The following CCSER1 variants were observed in gnomAD, a reference collection of about 807,000 sequenced individuals.
CCSER1 encodes the protein coiled-coil serine rich protein 1.
In CCSER1, 41 loss-of-function variants were observed where a neutral mutation model predicts 82.0. That is an observed-to-expected ratio of 0.50 (90% CI 0.39 to 0.65). CCSER1 has a LOEUF of 0.65. Among genes scored for constraint, CCSER1 ranks in the 30% least tolerant of loss-of-function variants. The pLI is 0.00. For synonymous variants in CCSER1, 414 were observed against 383.9 expected, an observed-to-expected ratio of 1.08 and a Z score of -0.92; for missense variants, 1,119 against 1,064.2, an observed-to-expected ratio of 1.05 and a Z score of -0.72.
rs556509148 is a variant in CCSER1, at chr4:90,382,881, GC to G, written c.1510-17154del. Reference sequence around the variant, plus strand: ...GAGTGTTCTTATTCAACTATTTATTGCTGAGTATTAAATTGCACACTTCAAC... The same window carrying G: ...GAGTGTTCTTATTCAACTATTTATTGTGAGTATTAAATTGCACACTTCAAC... On this transcript the variant is annotated intron_variant, in intron 3 of 10. Transcript: ENST00000509176. Among the ~76,000 whole-genome samples, 735 of 131,794 alleles carry G rather than the reference GC, an allele frequency of 5.6e-3. 7 individuals are homozygous for G. Among genetic ancestry groups the G allele is most frequent in the African/African-American group, 0.018 (600 of 33,940 alleles). The allele number at this position is 131,794 out of a possible 152,430, so 86.5% of individuals were successfully genotyped here.
At chr4:90,803,490 C>T (rs1757095013) in intron 7 of CCSER1, among the ~76,000 whole-genome samples, 1 of 152,118 alleles carries the variant, frequency 6.6e-6, no homozygotes, top group Non-Finnish European at 1.5e-5. Context: ...TGATAGTTTG[C>T]TGAGAATGAT....
chr4:91,024,372 A>G (rs1036022898), intron 9 of CCSER1, among the ~76,000 whole-genome samples: 2 of 152,132 alleles, frequency 1.3e-5, no homozygotes, highest in Non-Finnish European at 2.9e-5. Flanking sequence ...TTTAAATTTT[A>G]TTTCTAGAAT....
Position 90,596,423 on chromosome 4 carries a change from ACATGT to A in CCSER1, c.1725-31601_1725-31597del, listed in dbSNP as rs770715899. ...TAAATATACTGATTTAAAGTATAGG[ACATGT>A]ACTAACAATGATATAATTTTTTAAA... On this transcript the variant is annotated intron_variant, in intron 5 of 10. Coordinates refer to ENST00000509176, the MANE Select transcript of CCSER1 (RefSeq NM_001145065.2). Among the ~76,000 whole-genome samples, 358 of 152,042 alleles carry A rather than the reference ACATGT, an allele frequency of 2.4e-3. 3 individuals are homozygous for A. The highest frequency in any genetic ancestry group is 4.0e-3 in the Non-Finnish European group (272 of 67,840).
At chr4:90,718,155 T>A (rs747558411) in intron 6 of CCSER1, among the ~76,000 whole-genome samples, 4 of 152,154 alleles carry the variant, frequency 2.6e-5, no homozygotes, top group Admixed American at 6.6e-5. Context: ...TTCTGTGTAA[T>A]TTTACAACTA....
intron 10 of CCSER1, among the ~76,000 whole-genome samples, chr4:91,487,197 A>G (rs1188417987): frequency 1.3e-5 from 2 of 152,152 alleles, no homozygotes; most frequent in African/African-American, 4.8e-5. Flanking sequence ...AGGTAGCATT[A>G]TGGTTTCAAT....
intron 1 of CCSER1, among the ~76,000 whole-genome samples, chr4:90,209,258 G>A (rs1739493139): frequency 6.6e-6 from 1 of 152,178 alleles, no homozygotes; most frequent in African/African-American, 2.4e-5. Flanking sequence ...CTGGTCATGA[G>A]AGCCCAAGTG....
At chr4:91,323,158 G>C (rs552613352) in intron 10 of CCSER1, among the ~76,000 whole-genome samples, 1 of 152,264 alleles carries the variant, frequency 6.6e-6, no homozygotes, top group Admixed American at 6.5e-5. Context: ...ACCCAACCAG[G>C]CTGGAAGGGC....
At chr4:90,786,150 G>T (rs541525478) in intron 7 of CCSER1, among the ~76,000 whole-genome samples, 210 of 152,284 alleles carry the variant, frequency 1.4e-3, no homozygotes, top group African/African-American at 4.8e-3. Flanking sequence ...AAGCTGGGCA[G>T]ATAGAAAGAC....
At chr4:90,817,976 T>A (rs1419991877) in intron 8 of CCSER1, among the ~76,000 whole-genome samples, 1 of 152,166 alleles carries the variant, frequency 6.6e-6, no homozygotes, top group Non-Finnish European at 1.5e-5. Flanking sequence ...CCCTACTATA[T>A]ACTACAGGTT....
intron 9 of CCSER1, among the ~76,000 whole-genome samples, chr4:91,080,935 A>C (rs1191411135): frequency 6.6e-6 from 1 of 152,230 alleles, no homozygotes; most frequent in Non-Finnish European, 1.5e-5. Context: ...AACCAAAAAA[A>C]GTCCAGGACC....
intron 9 of CCSER1, among the ~76,000 whole-genome samples, chr4:90,956,284 A>G (rs915776421): frequency 6.6e-6 from 1 of 152,196 alleles, no homozygotes. Context: ...CTTAAGAAAG[A>G]CCTACTAACT....
At position 91,361,343 on chromosome 4, in the gene CCSER1, T is replaced by C. The variant is rs183186581; in HGVS notation, c.2218-237229T>C. On this transcript the variant is annotated intron_variant, in intron 10 of 10. Coordinates refer to ENST00000509176, the MANE Select transcript of CCSER1 (RefSeq NM_001145065.2). ...GAAGAAAATACCAACAGCAGAAAGA[T>C]GGACTGGAGGCATGAGAAAGCAGAG... Among the ~76,000 whole-genome samples the C allele has an allele frequency of 1.2e-3, 181 of 151,880 alleles. 2 individuals carry two copies. Among genetic ancestry groups the C allele is most frequent in the Middle Eastern group, 6.9e-3 (2 of 290 alleles).
intron 5 of CCSER1, among the ~76,000 whole-genome samples, chr4:90,559,809 CAAAAAAAAAAAAAAAA>C (rs1236087772): frequency 2.5e-5 from 1 of 39,764 alleles, no homozygotes; most frequent in African/African-American, 9.1e-5. Flanking sequence ...GACTCCGTCT[CAAAAAAAAAAAAAAAA>C]AAAAAAAAAA....
chr4:91,251,258 T>C (rs902272534), intron 10 of CCSER1, among the ~76,000 whole-genome samples: 10 of 152,144 alleles, frequency 6.6e-5, no homozygotes, highest in Admixed American at 2.0e-4. Context: ...TCCTGGCTTG[T>C]TGATTGCCAC....
intron 6 of CCSER1, among the ~76,000 whole-genome samples, chr4:90,720,184 G>A (rs2149360941): frequency 6.6e-6 from 1 of 151,302 alleles, no homozygotes; most frequent in African/African-American, 2.4e-5. Flanking sequence ...TTGCTTTATG[G>A]TACCACAGGA....
At chr4:91,033,377 G>T (rs77559121) in intron 9 of CCSER1, among the ~76,000 whole-genome samples, 1 of 151,950 alleles carries the variant, frequency 6.6e-6, no homozygotes, top group South Asian at 2.1e-4. Context: ...ATTGCAGCAG[G>T]GAAAAAGGGT....
intron 5 of CCSER1, among the ~76,000 whole-genome samples, chr4:90,559,629 T>TGG (rs778388186): frequency 6.6e-6 from 1 of 151,816 alleles, no homozygotes. Flanking sequence ...GAGGCCAGCC[T>TGG]GGGCAATATG....
chr4:91,367,210 G>A (rs1164532917), intron 10 of CCSER1, among the ~76,000 whole-genome samples: 1 of 149,604 alleles, frequency 6.7e-6, no homozygotes, highest in Non-Finnish European at 1.5e-5. Flanking sequence ...GAAGCTACTT[G>A]GGGGGCTGAG....
At chr4:90,860,406 G>A (rs913595121) in intron 8 of CCSER1, among the ~76,000 whole-genome samples, 3 of 151,562 alleles carry the variant, frequency 2.0e-5, no homozygotes, top group Non-Finnish European at 4.4e-5. Context: ...TGCTGTTGGG[G>A]ATGAAAATGA....
Sources: allele counts gnomAD v4.1 joint callset (sites outside exome capture counted in the v4.1 genomes callset), GRCh38; gene constraint gnomAD v4.1.1; transcripts MANE v1.5; gene names NCBI Gene and HGNC (gene_info 2026-07-23, HGNC 2026-07-21).